The following SLC8A1 variants were observed in gnomAD, a reference collection of about 807,000 sequenced individuals.
SLC8A1 encodes solute carrier family 8 member A1.
In SLC8A1, 18 loss-of-function variants were observed where a neutral mutation model predicts 68.3. That is an observed-to-expected ratio of 0.26 (90% CI 0.18 to 0.39). The LOEUF is 0.39. Among genes scored for constraint, SLC8A1 ranks in the 10% least tolerant of loss-of-function variants. The probability of loss-of-function intolerance (pLI) is 1.00; values close to 1 mark genes in which losing one functional copy is unlikely to be tolerated. For missense variants in SLC8A1, 985 were observed against 1,156.7 expected, an observed-to-expected ratio of 0.85 and a Z score of 2.15; for synonymous variants, 475 against 415.5, an observed-to-expected ratio of 1.14 and a Z score of -1.74.
At chr2:40,165,104 G>T in intron 4 of SLC8A1, 120 bp from the exon 8 acceptor site, 1 of 1,253,486 alleles carries the variant, frequency 8.0e-7, no homozygotes. Flanking sequence ...AAGCCCCCTG[G>T]GTGAGATCAC....
intron 7 of SLC8A1, among the ~76,000 whole-genome samples, chr2:40,133,715 C>T (rs1249232215): frequency 2.0e-5 from 3 of 150,754 alleles, no homozygotes; most frequent in African/African-American, 7.3e-5. Flanking sequence ...CCCCCCCCAC[C>T]GACTCATCAG....
chr2:40,261,435 A>G (rs1310734865), intron 2 of SLC8A1, among the ~76,000 whole-genome samples: 1 of 152,182 alleles, frequency 6.6e-6, no homozygotes, highest in Non-Finnish European at 1.5e-5. Flanking sequence ...CTCGATTGGG[A>G]TTTTGCTGGA....
chr2:40,412,124 T>A (rs1692331820), intron 2 of SLC8A1, among the ~76,000 whole-genome samples: 1 of 152,150 alleles, frequency 6.6e-6, no homozygotes, highest in African/African-American at 2.4e-5. Flanking sequence ...ATTCCAGAAC[T>A]CATGTTCTTC....
chr2:40,220,119 G>C (rs1418023495), intron 2 of SLC8A1: 1 of 150,196 alleles, frequency 6.7e-6, no homozygotes, highest in Non-Finnish European at 1.5e-5. Flanking sequence ...GCATGAAAAG[G>C]AGAATAATTG....
chr2:40,178,141 T>C (rs2048807774), intron 2 of SLC8A1, among the ~76,000 whole-genome samples: 2 of 152,336 alleles, frequency 1.3e-5, no homozygotes, highest in South Asian at 4.1e-4. Context: ...TGCAGCAACT[T>C]TCCCAGAAAT....
intron 2 of SLC8A1, among the ~76,000 whole-genome samples, chr2:40,387,936 C>CAAAAAAAAAAAAAA (rs57394425): frequency 2.2e-5 from 2 of 90,942 alleles, no homozygotes; most frequent in African/African-American, 4.8e-5. Flanking sequence ...GAGACTGCCT[C>CAAAAAAAAAAAAAA]AAAAAAAAAA....
intron 2 of SLC8A1, among the ~76,000 whole-genome samples, chr2:40,262,124 A>G (rs1234196304): frequency 6.6e-6 from 1 of 151,974 alleles, no homozygotes; most frequent in Non-Finnish European, 1.5e-5. Context: ...CATCACGCCC[A>G]GCTAATTTTT....
chr2:40,223,025 T>C (rs960740109), intron 2 of SLC8A1, among the ~76,000 whole-genome samples: 2 of 152,106 alleles, frequency 1.3e-5, no homozygotes. Flanking sequence ...TGGTTATATA[T>C]CCAAAGGATT....
intron 6 of SLC8A1, among the ~76,000 whole-genome samples, chr2:40,158,923 A>G (rs983215801): frequency 2.0e-5 from 3 of 152,206 alleles, no homozygotes; most frequent in African/African-American, 7.2e-5. Flanking sequence ...TCTCACCAGA[A>G]TCAAACACAT....
chr2:40,444,389 C>T (rs927269249), intron 1 of SLC8A1, among the ~76,000 whole-genome samples: 1 of 152,058 alleles, frequency 6.6e-6, no homozygotes, highest in Non-Finnish European at 1.5e-5. Flanking sequence ...CCACCTTTCC[C>T]AGTAAGAAAA....
chr2:40,208,408 C>G (rs1487475654), intron 2 of SLC8A1: 1 of 152,122 alleles, frequency 6.6e-6, no homozygotes, highest in African/African-American at 2.4e-5. Flanking sequence ...ACTGGAGAGT[C>G]AATCTGAAGT....
intron 2 of SLC8A1, among the ~76,000 whole-genome samples, chr2:40,361,887 C>CTTTTTTTTTTTTTTTTTTTT (rs1172909749): frequency 9.4e-5 from 5 of 53,104 alleles, no homozygotes; most frequent in African/African-American, 2.7e-4. Flanking sequence ...CTTTTCTTTC[C>CTTTTTTTTTTTTTTTTTTTT]TTTTTTTTTT....
intron 6 of SLC8A1, among the ~76,000 whole-genome samples, chr2:40,148,473 A>G (rs1426338800): frequency 1.3e-5 from 2 of 152,186 alleles, no homozygotes; most frequent in Non-Finnish European, 2.9e-5. Flanking sequence ...GTTTGAGCAA[A>G]GTGGTGATGC....
At chr2:40,391,126 A>G (rs1167351432) in intron 2 of SLC8A1, among the ~76,000 whole-genome samples, 1 of 150,644 alleles carries the variant, frequency 6.6e-6, no homozygotes, top group Non-Finnish European at 1.5e-5. Context: ...CCTGTTGAGC[A>G]TTCTATTCTC....
chr2:40,213,679 T>C (rs2056993378), intron 2 of SLC8A1, among the ~76,000 whole-genome samples: 2 of 152,168 alleles, frequency 1.3e-5, no homozygotes, highest in South Asian at 4.1e-4. Context: ...TCATCTCAAA[T>C]ATTTTTTCAA....
intron 2 of SLC8A1, among the ~76,000 whole-genome samples, chr2:40,207,101 T>C (rs1266266657): frequency 6.6e-6 from 1 of 152,070 alleles, no homozygotes; most frequent in Non-Finnish European, 1.5e-5. Flanking sequence ...AATTTGTACG[T>C]GGTAAGAAAG....
At chr2:40,453,480 G>C (rs2301340), upstream of SLC8A1, 5 of 152,328 alleles carry the variant, frequency 3.3e-5, no homozygotes, top group South Asian at 1.0e-3. Flanking sequence ...CCGCAACAAA[G>C]AGGGGGCGGA....
intron 7 of SLC8A1, among the ~76,000 whole-genome samples, chr2:40,121,479 T>C (rs1196033596): frequency 6.6e-6 from 1 of 152,124 alleles, no homozygotes; most frequent in Non-Finnish European, 1.5e-5. Context: ...ACGGAGATGC[T>C]GGGGGCTGCT....
intron 2 of SLC8A1, among the ~76,000 whole-genome samples, chr2:40,392,484 C>A (rs2149606060): frequency 6.6e-6 from 1 of 152,142 alleles, no homozygotes; most frequent in South Asian, 2.1e-4. Context: ...TGAAAGTGGG[C>A]AAAATGAAAT....
Sources: allele counts gnomAD v4.1 joint callset (sites outside exome capture counted in the v4.1 genomes callset), GRCh38; gene constraint gnomAD v4.1.1; transcripts MANE v1.5; gene names NCBI Gene and HGNC (gene_info 2026-07-23, HGNC 2026-07-21).